SEM1: variants seen among roughly 807,000 people sequenced by gnomAD.
SEM1 encodes 26S proteasome complex subunit SEM1.
Under a neutral mutation model 12.7 loss-of-function variants are expected in SEM1, and 3 were observed. That is an observed-to-expected ratio of 0.24 (90% CI 0.11 to 0.61). The LOEUF (loss-of-function observed/expected upper bound fraction) is 0.61. SEM1 is among the 20% of genes least tolerant of loss of function. SEM1 has a pLI of 0.88. For missense variants in SEM1, 59 were observed against 81.3 expected, an observed-to-expected ratio of 0.73 and a Z score of 1.06; for synonymous variants, 30 against 27.8, an observed-to-expected ratio of 1.08 and a Z score of -0.25.
rs12704850 is a variant in SEM1, at chr7:96,530,681, G to A, written c.171-23983C>T. 1.8e-3 allele frequency among the ~76,000 whole-genome samples: 269 copies of A among 152,200 alleles called. 1 individual carries two copies. The highest frequency in any genetic ancestry group is 3.0e-3 in the Non-Finnish European group (201 of 67,996). On this transcript the variant is annotated intron_variant and NMD_transcript_variant, in intron 2 of 3. Transcript: ENST00000466986. ...GCCAAAGACCAGAAAACAATTCGGC[G>A]TAGCATTCCTAAGCAGGATTCCACC...
At chr7:96,700,971 T>C (rs911767368) in intron 1 of SEM1, among the ~76,000 whole-genome samples, 3 of 152,176 alleles carry the variant, frequency 2.0e-5, no homozygotes, top group African/African-American at 7.2e-5. Context: ...TTTTTTTAAA[T>C]TTACAAGTTT....
At chr7:96,525,194 C>A (rs1211476291) in intron 2 of SEM1, among the ~76,000 whole-genome samples, 1 of 151,966 alleles carries the variant, frequency 6.6e-6, no homozygotes, top group Admixed American at 6.6e-5. Flanking sequence ...CAATCTCAGG[C>A]TCTTATATAA....
At chr7:96,622,767 C>T (rs914882651) in intron 2 of SEM1, 1 of 642,604 alleles carries the variant, frequency 1.6e-6, no homozygotes, top group African/African-American at 1.8e-5. Context: ...TACCACTGTG[C>T]TAGTCATGTA....
intron 2 of SEM1, among the ~76,000 whole-genome samples, chr7:96,550,160 G>A (rs1201173241): frequency 1.3e-5 from 2 of 152,052 alleles, no homozygotes; most frequent in African/African-American, 4.8e-5. Context: ...AAGTCGTTTA[G>A]TACAACTGTT....
At chr7:96,544,416 A>G (rs1260164306) in intron 2 of SEM1, among the ~76,000 whole-genome samples, 1 of 152,056 alleles carries the variant, frequency 6.6e-6, no homozygotes, top group East Asian at 1.9e-4. Flanking sequence ...TAATATAATT[A>G]TAAAGCGCTA....
chr7:96,526,828 A>G (rs1377055435), intron 2 of SEM1, among the ~76,000 whole-genome samples: 2 of 151,982 alleles, frequency 1.3e-5, no homozygotes, highest in South Asian at 2.1e-4. Context: ...TCAAGCAGAC[A>G]TATTAGTTTC....
intron 2 of SEM1, among the ~76,000 whole-genome samples, chr7:96,600,907 T>A (rs1473102705): frequency 6.6e-6 from 1 of 152,176 alleles, no homozygotes; most frequent in East Asian, 1.9e-4. Context: ...AAGTCAAGGA[T>A]ATGTCTAGAC....
intron 2 of SEM1, among the ~76,000 whole-genome samples, chr7:96,591,347 T>C (rs1044001909): frequency 6.6e-6 from 1 of 152,194 alleles, no homozygotes; most frequent in African/African-American, 2.4e-5. Flanking sequence ...AACAACGAAC[T>C]GTCAACCACC....
intron 2 of SEM1, among the ~76,000 whole-genome samples, chr7:96,531,869 A>C (rs1007111615): frequency 2.0e-5 from 3 of 152,144 alleles, no homozygotes; most frequent in Non-Finnish European, 4.4e-5. Flanking sequence ...GAATCAAGGT[A>C]CTATTTAGTT....
At chr7:96,697,096 A>T (rs1403104508) in intron 1 of SEM1, 2 of 152,084 alleles carry the variant, frequency 1.3e-5, no homozygotes, top group African/African-American at 4.8e-5. Flanking sequence ...ATGCATTGCC[A>T]GAATTGTGAT....
intron 2 of SEM1, among the ~76,000 whole-genome samples, chr7:96,637,457 T>C (rs568444160): frequency 1.3e-5 from 2 of 152,182 alleles, no homozygotes; most frequent in Admixed American, 1.3e-4. Flanking sequence ...CTTACAACTC[T>C]CATTATATAA....
chr7:96,609,274 A>G (rs1807473968), intron 2 of SEM1, among the ~76,000 whole-genome samples: 1 of 152,196 alleles, frequency 6.6e-6, no homozygotes, highest in Non-Finnish European at 1.5e-5. Flanking sequence ...GAACTATGAC[A>G]TAGATGGTAG....
chr7:96,657,539 C>T (rs759670872), intron 2 of SEM1, among the ~76,000 whole-genome samples: 1 of 152,134 alleles, frequency 6.6e-6, no homozygotes. Context: ...TGTGGCTATT[C>T]CCAGCTTCAC....
intron 2 of SEM1, among the ~76,000 whole-genome samples, chr7:96,675,054 C>T (rs1044677888): frequency 1.3e-5 from 2 of 152,170 alleles, no homozygotes; most frequent in African/African-American, 4.8e-5. Flanking sequence ...GACCACTTCT[C>T]TGTTATTCAT....
At chr7:96,612,372 C>T (rs1221202077) in intron 2 of SEM1, among the ~76,000 whole-genome samples, 1 of 152,168 alleles carries the variant, frequency 6.6e-6, no homozygotes, top group East Asian at 1.9e-4. Flanking sequence ...AGCCTCTAGC[C>T]TTTCATTAGC....
At chr7:96,589,069 G>A (rs2116123156) in intron 2 of SEM1, among the ~76,000 whole-genome samples, 1 of 152,322 alleles carries the variant, frequency 6.6e-6, no homozygotes, top group African/African-American at 2.4e-5. Context: ...TCTGATGATG[G>A]CTATTGCCTG....
At chr7:96,507,976 C>T (rs1467793261) in intron 2 of SEM1, among the ~76,000 whole-genome samples, 2 of 152,060 alleles carry the variant, frequency 1.3e-5, no homozygotes, top group African/African-American at 2.4e-5. Context: ...TCCTAGTTTG[C>T]TTTTTGTGTT....
At chr7:96,556,810 C>T (rs1263937625) in intron 2 of SEM1, among the ~76,000 whole-genome samples, 3 of 136,044 alleles carry the variant, frequency 2.2e-5, no homozygotes, top group African/African-American at 8.2e-5. Flanking sequence ...CCATTCTCCC[C>T]ATCACTTTCA....
intron 2 of SEM1, among the ~76,000 whole-genome samples, chr7:96,542,604 T>C (rs1804990060): frequency 6.6e-6 from 1 of 151,674 alleles, no homozygotes; most frequent in African/African-American, 2.4e-5. Context: ...TAAAAAATGA[T>C]ATAATTTAAT....
Sources: gnomAD v4.1 joint callset for allele counts (sites outside exome capture counted in the v4.1 genomes callset) on GRCh38, gnomAD v4.1.1 for gene constraint, MANE v1.5 for transcripts, NCBI Gene and HGNC (gene_info 2026-07-23, HGNC 2026-07-21) for gene names.